Variants in CDH18 observed in about 807,000 individuals in gnomAD.
CDH18 encodes the protein cadherin-18.
Under a neutral mutation model 67.9 loss-of-function variants are expected in CDH18, and 31 were observed. The ratio of observed to expected loss-of-function variants is 0.46; its 90% CI spans 0.34 to 0.62. The LOEUF is 0.62. Among genes scored for constraint, CDH18 ranks in the 20% least tolerant of loss-of-function variants. The pLI is 0.01. For missense variants in CDH18, 890 were observed against 975.5 expected (o/e 0.91, Z 1.17); for synonymous variants, 362 against 347.2 (o/e 1.04, Z -0.48).
chr5:20,163,731 T>C (rs1736069195), intron 2 of CDH18, among the ~76,000 whole-genome samples: 2 of 152,168 alleles, frequency 1.3e-5, no homozygotes, highest in African/African-American at 2.4e-5. Flanking sequence ...TTAAAACATA[T>C]AAAGCAGAAA....
chr5:19,914,043 T>C (rs1791473498), intron 2 of CDH18, among the ~76,000 whole-genome samples: 1 of 152,102 alleles, frequency 6.6e-6, no homozygotes, highest in African/African-American at 2.4e-5. Context: ...GTGCTTGTAT[T>C]GAGGTTATTT....
intron 2 of CDH18, among the ~76,000 whole-genome samples, chr5:20,014,976 C>G (rs1484603419): frequency 6.6e-6 from 1 of 152,012 alleles, no homozygotes; most frequent in Non-Finnish European, 1.5e-5. Flanking sequence ...GAGGGAGGAG[C>G]TTTGGACTTC....
intron 1 of CDH18, among the ~76,000 whole-genome samples, chr5:20,455,190 G>A (rs1750755292): frequency 6.6e-6 from 1 of 152,048 alleles, no homozygotes; most frequent in South Asian, 2.1e-4. Context: ...CGAGCTGATG[G>A]ACTTTGCACT....
At chr5:19,507,808 TGAC>T (rs930258231) in intron 10 of CDH18, among the ~76,000 whole-genome samples, 2 of 152,110 alleles carry the variant, frequency 1.3e-5, no homozygotes, top group African/African-American at 4.8e-5. Context: ...TAATGTTAAA[TGAC>T]GAGTTAATAG....
intron 11 of CDH18, among the ~76,000 whole-genome samples, chr5:19,493,117 G>C (rs2126682078): frequency 6.6e-6 from 1 of 152,246 alleles, no homozygotes; most frequent in Admixed American, 6.5e-5. Context: ...TGGTGGAACA[G>C]CCTCTATCCT....
intron 4 of CDH18, among the ~76,000 whole-genome samples, chr5:19,729,879 T>A (rs1302684672): frequency 6.6e-6 from 1 of 152,178 alleles, no homozygotes; most frequent in Admixed American, 6.5e-5. Context: ...AGAAACTTAA[T>A]ACCTGTCATT....
intron 8 of CDH18, among the ~76,000 whole-genome samples, chr5:19,553,633 CTTTTTTT>C (rs1021709184): frequency 1.8e-5 from 2 of 108,774 alleles, no homozygotes; most frequent in South Asian, 3.2e-4. Context: ...TGGTCTCATA[CTTTTTTT>C]TTTTTTTTTT....
chr5:19,565,935 C>T (rs1740306957), intron 8 of CDH18, among the ~76,000 whole-genome samples: 1 of 151,836 alleles, frequency 6.6e-6, no homozygotes, highest in Non-Finnish European at 1.5e-5. Context: ...AAGCGACAAC[C>T]CACAAAATGA....
intron 8 of CDH18, among the ~76,000 whole-genome samples, chr5:19,550,441 A>G (rs1737210360): frequency 6.7e-6 from 1 of 149,030 alleles, no homozygotes; most frequent in Admixed American, 6.7e-5. Context: ...AGTCCCCGGT[A>G]TGTGATGTTC....
At chr5:20,376,722 A>G (rs114073383) in intron 1 of CDH18, among the ~76,000 whole-genome samples, 200 of 152,192 alleles carry the variant, frequency 1.3e-3, no homozygotes, top group African/African-American at 4.2e-3. Context: ...ATTATGCTTA[A>G]AAGTTCAGGC....
At chr5:19,833,535 T>C (rs959035065) in intron 3 of CDH18, among the ~76,000 whole-genome samples, 2 of 152,184 alleles carry the variant, frequency 1.3e-5, no homozygotes, top group African/African-American at 4.8e-5. Flanking sequence ...CTGATTGCCC[T>C]GGCCAGAACT....
At chr5:19,558,160 G>A (rs1622777) in intron 8 of CDH18, among the ~76,000 whole-genome samples, 15,052 of 151,960 alleles carry the variant, frequency 0.099, 1,042 homozygotes, top group African/African-American at 0.19. Flanking sequence ...CAAGTGGAAA[G>A]TTCACAGCAT....
At chr5:20,542,004 G>A (rs181518594) in intron 1 of CDH18, among the ~76,000 whole-genome samples, 1 of 152,268 alleles carries the variant, frequency 6.6e-6, no homozygotes, top group East Asian at 1.9e-4. Context: ...GGAGTGTAGA[G>A]GTGCAATCTC....
intron 2 of CDH18, among the ~76,000 whole-genome samples, chr5:19,933,279 C>T (rs768369058): frequency 6.6e-6 from 1 of 151,444 alleles, no homozygotes; most frequent in South Asian, 2.1e-4. Context: ...TGCCTTTTTC[C>T]TCTTTTAAAA....
chr5:19,640,826 G>A (rs1318791841), intron 5 of CDH18, among the ~76,000 whole-genome samples: 1 of 151,144 alleles, frequency 6.6e-6, no homozygotes, highest in Non-Finnish European at 1.5e-5. Context: ...AAAGTTGGCA[G>A]AATAAAAAAA....
chr5:19,796,734 A>G (rs1399313785), intron 3 of CDH18, among the ~76,000 whole-genome samples: 1 of 152,100 alleles, frequency 6.6e-6, no homozygotes, highest in African/African-American at 2.4e-5. Context: ...TTAAAACACC[A>G]TATGATATCC....
intron 2 of CDH18, among the ~76,000 whole-genome samples, chr5:20,098,348 T>C (rs1384403882): frequency 2.6e-5 from 4 of 152,068 alleles, no homozygotes; most frequent in African/African-American, 9.7e-5. Context: ...TACAACATGA[T>C]GATTTTATAT....
Position 20,308,216 on chromosome 5 carries a change from G to T in CDH18, c.-579-52711C>A, listed in dbSNP as rs1311733100. 7.4e-5 allele frequency among the ~76,000 whole-genome samples: 11 copies of T among 147,656 alleles called. No individual in the cohort carries two copies. In the Admixed American group the frequency reaches 7.6e-4, roughly 10 times the overall value. ...CTTGTTCTACTTCTAAAACATTTTT[G>T]TTAAACTGATAAGAATAGATACTAA... On this transcript the variant is annotated intron_variant, in intron 1 of 14. Transcript: ENST00000507958.
At chr5:20,545,878 AT>A (rs1362750531) in intron 1 of CDH18, among the ~76,000 whole-genome samples, 1 of 152,104 alleles carries the variant, frequency 6.6e-6, no homozygotes, top group Non-Finnish European at 1.5e-5. Context: ...CAGGCTGCAA[AT>A]TTTCCAAACC....
Sources: allele counts gnomAD v4.1 joint callset (sites outside exome capture counted in the v4.1 genomes callset), GRCh38; gene constraint gnomAD v4.1.1; transcripts MANE v1.5; gene names NCBI Gene and HGNC (gene_info 2026-07-23, HGNC 2026-07-21).